The following TIFAB variants were observed in gnomAD, a reference collection of about 807,000 sequenced individuals.
The protein encoded by TIFAB is TRAF-interacting protein with FHA domain-containing protein B.
For missense variants in TIFAB, 222 were observed against 203.6 expected (o/e 1.09, Z -0.55); for synonymous variants, 116 against 95.2 (o/e 1.22, Z -1.27).
chr5:135,450,910 G>A (rs1473291683), intron 1 of TIFAB, among the ~76,000 whole-genome samples: 1 of 152,190 alleles, frequency 6.6e-6, no homozygotes, highest in East Asian at 1.9e-4. Context: ...ACCTTTCGCT[G>A]CCTTCTGACT....
rs868342315 is a variant in TIFAB at position 135,446,192 on chromosome 5, G to A, written c.*3262C>T. The A allele has an allele frequency of 4.0e-4, 280 of 692,124 alleles. 2 individuals are homozygous for A. Among genetic ancestry groups the A allele is most frequent in the Admixed American group, 4.5e-4 (14 of 31,290 alleles). 42.9% of individuals were successfully genotyped at this position (692,124 alleles called of 1,614,324 possible). A position where few individuals can be genotyped will look rare whatever the true frequency, so the allele number is the denominator to read the frequency against. ...TTTCTACAAGAAGAAACTGTGGCACGGAGAGATTCAGTTACTTGTCCAGGA... is the reference window on the plus strand; with the variant it reads ...TTTCTACAAGAAGAAACTGTGGCACAGAGAGATTCAGTTACTTGTCCAGGA... On this transcript the variant is annotated 3_prime_UTR_variant, in exon 2 of 2. Transcript: ENST00000537858.
Position 135,449,934 on chromosome 5 carries a change from C to T in TIFAB, c.6G>A (p.Glu2=). Residue 2 remains glutamate (E), a synonymous_variant, in exon 2 of 2, where the codon GAG becomes GAA. Coordinates refer to ENST00000537858, the MANE Select transcript of TIFAB (RefSeq NM_001099221.2). M[E]KPLTVLRVSL... is the part of the protein sequence containing the mutation. ...TCACTCGCAGGACGGTGAGGGGCTT[C>T]TCCATGGAAGAAGTCCTGGGAAGTT... The T allele has an allele frequency of 6.6e-7, 1 of 1,518,362 alleles. No individual in the cohort carries two copies. Among genetic ancestry groups the T allele is most frequent in the Non-Finnish European group, 8.8e-7 (1 of 1,132,918 alleles). 94.1% of individuals were successfully genotyped at this position (1,518,362 alleles called of 1,614,324 possible).
chr5:135,449,507 T>TAATGCC lies in TIFAB; in HGVS notation c.432_433insGGCATT (p.Glu144_Thr145insGlyIle). ...TGGGAGATGCCTTCCCATTCGTCAG[T>TAATGCC]TTCCTCAGCCTCAGGTCTGTAAATC... is the stretch of plus-strand genomic sequence containing the variant. On this transcript the variant is annotated inframe_insertion, in exon 2 of 2. Transcript: ENST00000537858. 1 of 1,614,184 alleles carries TAATGCC rather than the reference T, an allele frequency of 6.2e-7. No homozygotes were observed. The highest frequency in any genetic ancestry group is 1.1e-5 in the South Asian group (1 of 91,084).
chr5:135,447,792 T>A lies in TIFAB; in HGVS notation c.*1662A>T, dbSNP rs79746682. On this transcript the variant is annotated 3_prime_UTR_variant, in exon 2 of 2. Coordinates refer to ENST00000537858, the MANE Select transcript of TIFAB (RefSeq NM_001099221.2). ...ACAATGACTATAGCACTAATCATAG[T>A]AGTGATCAAATAAGTAATGCACTCC... 8.7e-3 allele frequency: 1,328 copies of A among 152,868 alleles called. 11 individuals carry two copies. Among genetic ancestry groups the A allele is most frequent in the South Asian group, 0.023 (114 of 4,854 alleles). 9.5% of individuals were successfully genotyped at this position (152,868 alleles called of 1,614,324 possible). A position where few individuals can be genotyped will look rare whatever the true frequency, so the allele number is the denominator to read the frequency against.
Position 135,449,250 on chromosome 5 carries a change from T to C in TIFAB, c.*204A>G. ...GAGCAAGGCAGCCAGTGGGTTTTGC[T>C]TGTCAACCTTGCATGATGCAGCTCA... On this transcript the variant is annotated 3_prime_UTR_variant, in exon 2 of 2. Coordinates refer to ENST00000537858, the MANE Select transcript of TIFAB (RefSeq NM_001099221.2). The C allele has an allele frequency of 1.3e-6, 1 of 787,142 alleles. No homozygotes were observed. Among genetic ancestry groups the C allele is most frequent in the South Asian group, 1.9e-5 (1 of 52,470 alleles). The allele number at this position is 787,142 out of a possible 1,614,324, so 48.8% of individuals were successfully genotyped here.
At position 135,449,067 on chromosome 5, in the gene TIFAB, C is replaced by G. The variant is rs17168364; in HGVS notation, c.*387G>C. ...CATAAAGTAACTCCTAGTCAGACAA[C>G]AGGGAGAAATGTGTGGAAATGCTGA... On this transcript the variant is annotated 3_prime_UTR_variant, in exon 2 of 2. Transcript: ENST00000537858. 0.028 allele frequency: 6,243 copies of G among 222,830 alleles called. 397 individuals carry two copies. Among genetic ancestry groups the G allele is most frequent in the African/African-American group, 0.13 (5,890 of 45,390 alleles). The allele number at this position is 222,830 out of a possible 1,614,324, so 13.8% of individuals were successfully genotyped here. A position where few individuals can be genotyped will look rare whatever the true frequency, so the allele number is the denominator to read the frequency against.
chr5:135,451,718 A>C (rs1194651053), intron 1 of TIFAB, among the ~76,000 whole-genome samples: 1 of 152,156 alleles, frequency 6.6e-6, no homozygotes, highest in Non-Finnish European at 1.5e-5. Context: ...TCCTGACTTT[A>C]GGTGATCCGC....
rs769203094 is a variant in TIFAB at position 135,449,727 on chromosome 5, C to T, written c.213G>A (p.Leu71=). The T allele has an allele frequency of 1.2e-6, 2 of 1,613,928 alleles. No individual in the cohort carries two copies. Among genetic ancestry groups the T allele is most frequent in the East Asian group, 2.2e-5 (1 of 44,898 alleles). Residue 71 remains leucine (L), a synonymous_variant, in exon 2 of 2, where the codon CTG becomes CTA. Transcript: ENST00000537858. ...EPYLEKGSAL[L]AFCLKALSRK... is the part of the protein sequence containing the mutation. ...GGCTCAGGGCCTTGAGGCAGAAGGCCAGCAGGGCACTGCCTTTCTCCAGGT... is the reference window on the plus strand; with the variant it reads ...GGCTCAGGGCCTTGAGGCAGAAGGCTAGCAGGGCACTGCCTTTCTCCAGGT...
At position 135,447,057 on chromosome 5, in the gene TIFAB, C is replaced by T. The variant is rs1769282524; in HGVS notation, c.*2397G>A. 1 of 1,613,922 alleles carries T rather than the reference C, an allele frequency of 6.2e-7. No homozygotes were observed. The highest frequency in any genetic ancestry group is 1.1e-5 in the South Asian group (1 of 91,082). ...AGTCTTTGGTGTCCAGGTACAGTCTCCAGGCCGTGGCTTCTCGAGTTCTGT... is the reference window on the plus strand; with the variant it reads ...AGTCTTTGGTGTCCAGGTACAGTCTTCAGGCCGTGGCTTCTCGAGTTCTGT... On this transcript the variant is annotated 3_prime_UTR_variant, in exon 2 of 2. Coordinates refer to ENST00000537858, the MANE Select transcript of TIFAB (RefSeq NM_001099221.2).
chr5:135,451,182 C>T (rs942593916), intron 1 of TIFAB, among the ~76,000 whole-genome samples: 5 of 151,560 alleles, frequency 3.3e-5, no homozygotes, highest in Admixed American at 1.3e-4. Context: ...ATGAGAAGCC[C>T]ACACACACAC....
Position 135,445,205 on chromosome 5 carries a change from T to G in TIFAB, c.*4249A>C, listed in dbSNP as rs1329623577. On this transcript the variant is annotated 3_prime_UTR_variant, in exon 2 of 2. Coordinates refer to ENST00000537858, the MANE Select transcript of TIFAB (RefSeq NM_001099221.2). ...AACTGTCTCTCTGTGACATGCACCC[T>G]GTCAAATCCATAAACCTTCCTCAGC... 1 of 152,184 alleles carries G rather than the reference T, an allele frequency of 6.6e-6. No homozygotes were observed. Among genetic ancestry groups the G allele is most frequent in the Non-Finnish European group, 1.5e-5 (1 of 68,068 alleles). The allele number at this position is 152,184 out of a possible 1,614,324, so 9.4% of individuals were successfully genotyped here. A position where few individuals can be genotyped will look rare whatever the true frequency, so the allele number is the denominator to read the frequency against.
In TIFAB at chr5:135,449,910, C is replaced by A; in HGVS notation, c.30G>T (p.Val10=). 6.5e-7 allele frequency: 1 copy of A among 1,531,884 alleles called. No homozygotes were observed. The highest frequency in any genetic ancestry group is 8.8e-7 in the Non-Finnish European group (1 of 1,139,078). The allele number at this position is 1,531,884 out of a possible 1,614,324, so 94.9% of individuals were successfully genotyped here. Residue 10 remains valine (V), a synonymous_variant, in exon 2 of 2, where the codon GTG becomes GTT. Transcript: ENST00000537858. MEKPLTVLR[V]SLYHPTLGPS... ...GGCCCAGCGTGGGATGGTACAGGCT[C>A]ACTCGCAGGACGGTGAGGGGCTTCT...
At position 135,444,806 on chromosome 5, in the gene TIFAB, G is replaced by C. The variant is rs965083510; in HGVS notation, c.*4648C>G. 6.6e-6 allele frequency: 1 copy of C among 152,240 alleles called. No homozygotes were observed. The highest frequency in any genetic ancestry group is 1.5e-5 in the Non-Finnish European group (1 of 68,056). 9.4% of individuals were successfully genotyped at this position (152,240 alleles called of 1,614,324 possible). On this transcript the variant is annotated 3_prime_UTR_variant, in exon 2 of 2. Transcript: ENST00000537858. ...TGCTCTACACGTTTCTGTAGTGACC[G>C]TCCATTTGAAGGGATAGGGAAATAT... is the stretch of plus-strand genomic sequence containing the variant.
In TIFAB at chr5:135,447,360, C is replaced by T; in HGVS notation, c.*2094G>A. The T allele has an allele frequency of 1.8e-6, 1 of 560,078 alleles. No homozygotes were observed. The highest frequency in any genetic ancestry group is 3.2e-5 in the East Asian group (1 of 30,966). The allele number at this position is 560,078 out of a possible 1,614,324, so 34.7% of individuals were successfully genotyped here. On this transcript the variant is annotated 3_prime_UTR_variant, in exon 2 of 2. Coordinates refer to ENST00000537858, the MANE Select transcript of TIFAB (RefSeq NM_001099221.2). ...GCCCTTGGGTTCTGGAGCCAGCTTA[C>T]TGGGGTGTGAGTCTTCCTTAGCTCC...
At position 135,448,202 on chromosome 5, in the gene TIFAB, T is replaced by C. The variant is rs1377994565; in HGVS notation, c.*1252A>G. 4 of 152,128 alleles carry C rather than the reference T, an allele frequency of 2.6e-5. No individual in the cohort carries two copies. Among genetic ancestry groups the C allele is most frequent in the Non-Finnish European group, 5.9e-5 (4 of 68,018 alleles). 9.4% of individuals were successfully genotyped at this position (152,128 alleles called of 1,614,324 possible). A position where few individuals can be genotyped will look rare whatever the true frequency, so the allele number is the denominator to read the frequency against. On this transcript the variant is annotated 3_prime_UTR_variant, in exon 2 of 2. Coordinates refer to ENST00000537858, the MANE Select transcript of TIFAB (RefSeq NM_001099221.2). Reference sequence around the variant, plus strand: ...CCCTGGGTGCAAAACGATCATCCTTTTGGGCAGAAAACAGAAATTGTTGAC... The same window carrying C: ...CCCTGGGTGCAAAACGATCATCCTTCTGGGCAGAAAACAGAAATTGTTGAC...
chr5:135,449,949 C>A lies in TIFAB; in HGVS notation c.-10G>T. 3 of 1,515,962 alleles carry A rather than the reference C, an allele frequency of 2.0e-6. No homozygotes were observed. Among genetic ancestry groups the A allele is most frequent in the Non-Finnish European group, 2.6e-6 (3 of 1,132,242 alleles). 93.9% of individuals were successfully genotyped at this position (1,515,962 alleles called of 1,614,324 possible). ...TGAGGGGCTTCTCCATGGAAGAAGTCCTGGGAAGTTGGAACATGGACACAC... is the reference window on the plus strand; with the variant it reads ...TGAGGGGCTTCTCCATGGAAGAAGTACTGGGAAGTTGGAACATGGACACAC... On this transcript the variant is annotated splice_region_variant and 5_prime_UTR_variant, in exon 2 of 2. Coordinates refer to ENST00000537858, the MANE Select transcript of TIFAB (RefSeq NM_001099221.2).
At chr5:135,450,004 G>T (rs759779390) in intron 1 of TIFAB, 55 bp from the exon 2 acceptor site, 2 of 1,507,240 alleles carry the variant, frequency 1.3e-6, no homozygotes, top group Non-Finnish European at 1.8e-6. Flanking sequence ...GACCTCTGTG[G>T]CTCCCTGAGC....
Position 135,446,662 on chromosome 5 carries a change from TC to T in TIFAB, c.*2791del. 1.2e-6 allele frequency: 2 copies of T among 1,614,000 alleles called. No individual in the cohort carries two copies. The highest frequency in any genetic ancestry group is 1.7e-6 in the Non-Finnish European group (2 of 1,179,878). On this transcript the variant is annotated 3_prime_UTR_variant, in exon 2 of 2. Transcript: ENST00000537858. The stretch of plus-strand genomic sequence containing the variant: ...CTTGGTACAGGGCAAGGTGTGAGTT[TC>T]CCGGTGAGACTGTGTGAACTGTGAA...
Position 135,449,709 on chromosome 5 carries a change from G to C in TIFAB, c.231C>G (p.Ala77=). The C allele has an allele frequency of 6.2e-7, 1 of 1,614,102 alleles. No homozygotes were observed. The highest frequency in any genetic ancestry group is 8.5e-7 in the Non-Finnish European group (1 of 1,180,038). The stretch of plus-strand genomic sequence containing the variant: ...CCCACACACAGCCCTTGCGGCTCAG[G>C]GCCTTGAGGCAGAAGGCCAGCAGGG... The part of the protein sequence containing the change: ...GSALLAFCLK[A]LSRKGCVWVN... The change falls in exon 2 of 2, where the codon GCC becomes GCG. Residue 77 remains alanine, a synonymous_variant. Transcript: ENST00000537858.
Sources: allele counts gnomAD v4.1 joint callset (sites outside exome capture counted in the v4.1 genomes callset), GRCh38; gene constraint gnomAD v4.1.1; transcripts MANE v1.5; gene names NCBI Gene and HGNC (gene_info 2026-07-23, HGNC 2026-07-21).